Variants in CCDC148 observed in about 807,000 individuals in gnomAD.
The protein encoded by CCDC148 is coiled-coil domain containing 148, also known as coiled-coil domain-containing protein 148.
A neutral mutation model predicts 85.7 loss-of-function variants in CCDC148; 89 were observed. That is an observed-to-expected ratio of 1.04 (90% CI 0.87 to 1.24). The LOEUF is 1.24. Ranked by LOEUF, CCDC148 falls within the 50% of genes most tolerant of loss-of-function variation. The probability of loss-of-function intolerance (pLI) is 0.00; values close to 1 mark genes in which losing one functional copy is unlikely to be tolerated. For synonymous variants in CCDC148, 230 were observed against 213.9 expected (o/e 1.08, Z -0.66); for missense variants, 692 against 671.7 (o/e 1.03, Z -0.33).
intron 1 of CCDC148, among the ~76,000 whole-genome samples, chr2:158,389,539 C>T (rs978298579): frequency 1.3e-5 from 2 of 152,162 alleles, no homozygotes; most frequent in Non-Finnish European, 2.9e-5. Context: ...AAGCACTTAT[C>T]CATGTCGTCA....
intron 11 of CCDC148, among the ~76,000 whole-genome samples, chr2:158,200,873 A>G (rs918290650): frequency 3.3e-5 from 5 of 152,204 alleles, no homozygotes; most frequent in African/African-American, 9.7e-5. Context: ...ATGATCTAGA[A>G]TTATTACATT....
At chr2:158,330,079 T>C (rs1693014513) in intron 7 of CCDC148, among the ~76,000 whole-genome samples, 1 of 152,200 alleles carries the variant, frequency 6.6e-6, no homozygotes, top group Non-Finnish European at 1.5e-5. Context: ...CATCCCTATC[T>C]TGTGCCAGTT....
intron 1 of CCDC148, among the ~76,000 whole-genome samples, chr2:158,404,449 T>C (rs2105308649): frequency 6.6e-6 from 1 of 152,260 alleles, no homozygotes; most frequent in South Asian, 2.1e-4. Context: ...CTTCCAATTT[T>C]GTAATTAGTT....
intron 11 of CCDC148, among the ~76,000 whole-genome samples, chr2:158,185,412 G>A (rs1343388136): frequency 6.6e-6 from 1 of 152,156 alleles, no homozygotes; most frequent in Non-Finnish European, 1.5e-5. Flanking sequence ...AGGCGTCTCA[G>A]CCTTTAAATA....
intron 7 of CCDC148, among the ~76,000 whole-genome samples, chr2:158,327,595 C>T (rs1432664299): frequency 1.3e-5 from 2 of 152,180 alleles, no homozygotes; most frequent in Non-Finnish European, 2.9e-5. Flanking sequence ...TTCATGGCAA[C>T]ATGCTACAGT....
intron 1 of CCDC148, among the ~76,000 whole-genome samples, chr2:158,426,139 T>A (rs777169678): frequency 1.7e-5 from 2 of 120,550 alleles, no homozygotes; most frequent in African/African-American, 5.1e-5. Flanking sequence ...TAGTTTAAAG[T>A]AGTGAAAGTA....
rs1044387407 is a variant in CCDC148 at position 158,250,760 on chromosome 2, T to C, written c.1251+12A>G. 8 of 1,533,698 alleles carry C rather than the reference T, an allele frequency of 5.2e-6. No homozygotes were observed. Among genetic ancestry groups the C allele is most frequent in the Non-Finnish European group, 5.2e-6 (6 of 1,143,978 alleles). The stretch of plus-strand genomic sequence containing the variant: ...TTCATTCACACATTCGTATTGACAA[T>C]AGATTTTTTACTTTTTTTTTCTTCT... On this transcript the variant is annotated intron_variant, in intron 10 of 13. Coordinates refer to ENST00000283233, the MANE Select transcript of CCDC148 (RefSeq NM_138803.4).
intron 1 of CCDC148, among the ~76,000 whole-genome samples, chr2:158,376,873 G>A (rs1258629450): frequency 4.6e-5 from 7 of 152,062 alleles, no homozygotes; most frequent in African/African-American, 1.7e-4. Context: ...AGGAACTAGA[G>A]GGGCTAATTT....
intron 2 of CCDC148, among the ~76,000 whole-genome samples, chr2:158,354,496 T>C (rs1477268941): frequency 6.6e-6 from 1 of 151,986 alleles, no homozygotes; most frequent in East Asian, 1.9e-4. Flanking sequence ...GATAAATTCC[T>C]CGACACATAC....
In CCDC148 at chr2:158,220,594, C is replaced by G. The variant is rs772262143; in HGVS notation, c.1370+1G>C. On this transcript the variant is annotated splice_donor_variant, in intron 11 of 13. Coordinates refer to ENST00000283233, the MANE Select transcript of CCDC148 (RefSeq NM_138803.4). LOFTEE classifies it high-confidence loss of function. ...CCACACAATTTTAAATTTTCTTTTA[C>G]CTTTCTCTGTCTTTTAGTGACTGTT... 10 of 1,598,358 alleles carry G rather than the reference C, an allele frequency of 6.3e-6. No homozygotes were observed. The highest frequency in any genetic ancestry group is 7.7e-6 in the Non-Finnish European group (9 of 1,171,648).
chr2:158,329,956 G>T, intron 7 of CCDC148, among the ~76,000 whole-genome samples: 1 of 152,210 alleles, frequency 6.6e-6, no homozygotes, highest in East Asian at 1.9e-4. Flanking sequence ...TCTGCAAACA[G>T]GGACAATTTG....
intron 2 of CCDC148, among the ~76,000 whole-genome samples, chr2:158,349,676 C>T (rs916489839): frequency 1.3e-5 from 2 of 151,850 alleles, no homozygotes; most frequent in Non-Finnish European, 2.9e-5. Context: ...AACTTGCCAC[C>T]TCTAAATTAA....
At chr2:158,293,964 C>G (rs374723698) in intron 9 of CCDC148, among the ~76,000 whole-genome samples, 3 of 36,294 alleles carry the variant, frequency 8.3e-5, no homozygotes, top group East Asian at 3.2e-3. Context: ...CTCCCTCCCT[C>G]CCTCCCTCCC....
At chr2:158,278,006 C>T (rs1574527892) in intron 9 of CCDC148, among the ~76,000 whole-genome samples, 1 of 152,336 alleles carries the variant, frequency 6.6e-6, no homozygotes, top group Non-Finnish European at 1.5e-5. Context: ...GTTCTAGCCA[C>T]TACACTGTGT....
chr2:158,450,579 T>C (rs562470835), intron 1 of CCDC148, among the ~76,000 whole-genome samples: 32 of 152,344 alleles, frequency 2.1e-4, no homozygotes, highest in African/African-American at 7.0e-4. Flanking sequence ...TTGCTAGATA[T>C]AGAATTCTTG....
chr2:158,216,678 C>T (rs922548619), intron 11 of CCDC148, among the ~76,000 whole-genome samples: 1 of 152,126 alleles, frequency 6.6e-6, no homozygotes, highest in African/African-American at 2.4e-5. Context: ...TCTCACTATT[C>T]TGGAGGCTAG....
chr2:158,425,210 T>C (rs371166051), intron 1 of CCDC148: 104 of 535,676 alleles, frequency 1.9e-4, no homozygotes, highest in African/African-American at 1.9e-3. Flanking sequence ...ACCATGACTA[T>C]GCACAGGTGT....
intron 9 of CCDC148, among the ~76,000 whole-genome samples, chr2:158,298,318 T>C (rs1047094489): frequency 2.0e-5 from 3 of 146,504 alleles, no homozygotes; most frequent in Non-Finnish European, 4.7e-5. Flanking sequence ...GTCAAGTGCC[T>C]AGGTGTGGTT....
In CCDC148 at chr2:158,358,436, CACA is replaced by C; in HGVS notation, c.147+10_147+12del. The stretch of plus-strand genomic sequence containing the variant: ...CTAAAACTAGAAAAACACATACACA[CACA>C]ACTTCTAACCTTTAGCTTTGCAGAG... On this transcript the variant is annotated intron_variant, in intron 2 of 13. Transcript: ENST00000283233. 6.3e-7 allele frequency: 1 copy of C among 1,598,836 alleles called. No individual in the cohort carries two copies. Among genetic ancestry groups the C allele is most frequent in the South Asian group, 1.1e-5 (1 of 87,834 alleles).
Sources: allele counts gnomAD v4.1 joint callset (sites outside exome capture counted in the v4.1 genomes callset), GRCh38; gene constraint gnomAD v4.1.1; transcripts MANE v1.5; gene names NCBI Gene and HGNC (gene_info 2026-07-23, HGNC 2026-07-21).